CACNA1C: variants seen among roughly 807,000 people sequenced by gnomAD.
CACNA1C encodes the protein calcium voltage-gated channel subunit alpha1 C.
CACNA1C carries 30 observed loss-of-function variants against 229.0 expected under a neutral mutation model. The observed-to-expected ratio is 0.13, with a 90% confidence interval of 0.10 to 0.18. CACNA1C has a LOEUF of 0.18. Ranked by LOEUF, CACNA1C falls within the 10% of genes least tolerant of loss-of-function variation. CACNA1C has a pLI of 1.00. For missense variants in CACNA1C, 1,658 were observed against 2,845.0 expected, an observed-to-expected ratio of 0.58 and a Z score of 9.49; for synonymous variants, 1,114 against 1,132.5, an observed-to-expected ratio of 0.98 and a Z score of 0.33.
intron 1 of CACNA1C, among the ~76,000 whole-genome samples, chr12:1,973,600 A>G (rs2033251376): frequency 6.6e-6 from 1 of 152,148 alleles, no homozygotes. Flanking sequence ...ATCTTCCTAA[A>G]CTGGGAACCT....
intron 3 of CACNA1C, among the ~76,000 whole-genome samples, chr12:2,339,804 C>T (rs1223706751): frequency 1.3e-5 from 2 of 152,062 alleles, no homozygotes; most frequent in African/African-American, 2.4e-5. Context: ...TTATGCAGCA[C>T]GTGACTGTCG....
chr12:2,601,831 T>C lies in CACNA1C; in HGVS notation c.2854-23T>C. 2 of 1,517,184 alleles carry C rather than the reference T, an allele frequency of 1.3e-6. No homozygotes were observed. The highest frequency in any genetic ancestry group is 2.2e-5 in the South Asian group (2 of 89,174). The allele number at this position is 1,517,184 out of a possible 1,614,324, so 94.0% of individuals were successfully genotyped here. A position where few individuals can be genotyped will look rare whatever the true frequency, so the allele number is the denominator to read the frequency against. ...CTAGGGCTAGGGCCACTCACACTGG[T>C]GTTCCTTTGTCCCTCCCTGCAGATG... is the stretch of plus-strand genomic sequence containing the variant. On this transcript the variant is annotated intron_variant, in intron 21 of 46. Transcript: ENST00000399655. This position sits in a 1 kb window ranked among gnomAD's most constrained non-coding sequence, Gnocchi z 5.9.
In CACNA1C at chr12:2,597,543, C is replaced by A. The variant is rs761957218; in HGVS notation, c.2853+254C>A. 10 of 1,147,844 alleles carry A rather than the reference C, an allele frequency of 8.7e-6. No individual in the cohort carries two copies. The highest frequency in any genetic ancestry group is 1.2e-5 in the South Asian group (1 of 81,522). The allele number at this position is 1,147,844 out of a possible 1,614,324, so 71.1% of individuals were successfully genotyped here. On this transcript the variant is annotated intron_variant, in intron 21 of 46. Coordinates refer to ENST00000399655, the MANE Select transcript of CACNA1C (RefSeq NM_000719.7). The surrounding 1 kb of genome is among the most constrained non-coding windows in gnomAD (Gnocchi z 4.3). ...ATCCTCTGTCGCTTTCTTTGTCTAT[C>A]TCTGCTCTGTGTGGCTGGATCTTTT...
intron 3 of CACNA1C, among the ~76,000 whole-genome samples, chr12:2,157,284 A>G (rs1179317870): frequency 6.6e-6 from 1 of 152,204 alleles, no homozygotes; most frequent in East Asian, 1.9e-4. Context: ...TTATCTGTCC[A>G]TTGAAAAAAA....
chr12:2,579,474 C>G lies in CACNA1C; in HGVS notation c.1896-2116C>G, dbSNP rs1401433365. Among the ~76,000 whole-genome samples, 7 of 152,156 alleles carry G rather than the reference C, an allele frequency of 4.6e-5. No individual in the cohort carries two copies. In the East Asian group the frequency reaches 1.4e-3, roughly 29 times the overall value. On this transcript the variant is annotated intron_variant, in intron 13 of 46. Coordinates refer to ENST00000399655, the MANE Select transcript of CACNA1C (RefSeq NM_000719.7). ...GGATTACCCCAGCCCCAGAGTCAGC[C>G]CCAGAGTCAGAGATTAGGGTTTCAT...
chr12:2,298,588 T>C (rs757971063), intron 3 of CACNA1C, among the ~76,000 whole-genome samples: 1 of 151,998 alleles, frequency 6.6e-6, no homozygotes, highest in South Asian at 2.1e-4. Context: ...TGAGCCACCG[T>C]GCCTGGCCAG....
intron 1 of CACNA1C, among the ~76,000 whole-genome samples, chr12:2,035,709 A>G (rs1449279948): frequency 6.6e-6 from 1 of 152,192 alleles, no homozygotes; most frequent in Non-Finnish European, 1.5e-5. Flanking sequence ...GCGACAGGTG[A>G]GGGGATCATC....
intron 33 of CACNA1C, 58 bp from the exon 34 acceptor site, chr12:2,655,089 G>A (rs957530375): frequency 2.9e-5 from 31 of 1,051,510 alleles, no homozygotes; most frequent in Middle Eastern, 2.0e-4. Context: ...ACAATGGTGG[G>A]AAATTAGGAC....
chr12:2,181,204 T>G lies in CACNA1C; in HGVS notation c.477+60774T>G, dbSNP rs1453486838. Among the ~76,000 whole-genome samples the G allele has an allele frequency of 6.6e-6, 1 of 152,216 alleles. No homozygotes were observed. The highest frequency in any genetic ancestry group is 1.5e-5 in the Non-Finnish European group (1 of 68,038). Reference sequence around the variant, plus strand: ...AATGATCATTACTACCTCTGTTATTTCCTGTAGCCAACTGACATCTTTGCA... The same window carrying G: ...AATGATCATTACTACCTCTGTTATTGCCTGTAGCCAACTGACATCTTTGCA... On this transcript the variant is annotated intron_variant, in intron 3 of 46. Coordinates refer to ENST00000399655, the MANE Select transcript of CACNA1C (RefSeq NM_000719.7). The surrounding 1 kb of genome is among the most constrained non-coding windows in gnomAD (Gnocchi z 4.0).
At chr12:2,672,839 C>T (rs1224510455) in intron 38 of CACNA1C, among the ~76,000 whole-genome samples, 1 of 152,184 alleles carries the variant, frequency 6.6e-6, no homozygotes, top group African/African-American at 2.4e-5. Context: ...ATTTGAATAC[C>T]ATGTGTGTTA....
chr12:2,454,681 A>G (rs929754394), intron 4 of CACNA1C, among the ~76,000 whole-genome samples: 1 of 152,122 alleles, frequency 6.6e-6, no homozygotes, highest in African/African-American at 2.4e-5. Context: ...CATGACCTCC[A>G]ACCTCAAGGA....
chr12:2,494,100 G>T (rs1231981048), intron 7 of CACNA1C, among the ~76,000 whole-genome samples: 1 of 152,088 alleles, frequency 6.6e-6, no homozygotes, highest in Non-Finnish European at 1.5e-5. Flanking sequence ...AGACATGGTG[G>T]TTTGTTGCAC....
chr12:2,322,686 G>T (rs746469226), intron 3 of CACNA1C, among the ~76,000 whole-genome samples: 7 of 152,154 alleles, frequency 4.6e-5, no homozygotes, highest in Non-Finnish European at 8.8e-5. Flanking sequence ...CAAATGCTTT[G>T]TTGAGCCCCT....
intron 6 of CACNA1C, among the ~76,000 whole-genome samples, chr12:2,491,559 GA>G (rs1378229760): frequency 4.3e-5 from 6 of 139,004 alleles, no homozygotes; most frequent in African/African-American, 1.6e-4. Context: ...TGACAATGAA[GA>G]GGAGGAGGCA....
intron 3 of CACNA1C, among the ~76,000 whole-genome samples, chr12:2,151,262 A>ATTT (rs113212437): frequency 1.1e-4 from 16 of 147,670 alleles, no homozygotes; most frequent in African/African-American, 3.2e-4. Flanking sequence ...GCACAGTAAG[A>ATTT]TTTTTTTTTT....
intron 3 of CACNA1C, among the ~76,000 whole-genome samples, chr12:2,297,920 AAGG>A (rs1420773502): frequency 6.6e-6 from 1 of 152,166 alleles, no homozygotes; most frequent in African/African-American, 2.4e-5. Context: ...ATAAATAGAG[AAGG>A]AGAAGGAAGA....
chr12:2,660,908 G>A (rs192271102), intron 34 of CACNA1C: 6 of 152,044 alleles, frequency 3.9e-5, no homozygotes, highest in African/African-American at 1.4e-4. Context: ...AAAATGCCAG[G>A]AACAGATTTC....
At chr12:2,515,851 C>T (rs556297445) in intron 9 of CACNA1C, among the ~76,000 whole-genome samples, 3 of 152,226 alleles carry the variant, frequency 2.0e-5, no homozygotes, top group South Asian at 2.1e-4. Context: ...TGAAGTGGCC[C>T]GTAAGTTATA....
At chr12:2,510,695 A>C (rs56343862) in intron 8 of CACNA1C, among the ~76,000 whole-genome samples, 7,265 of 152,266 alleles carry the variant, frequency 0.048, 187 homozygotes, top group South Asian at 0.1. Flanking sequence ...ACCCTCTGCA[A>C]AGTCACTCAA....
Sources: gnomAD v4.1 joint callset for allele counts (sites outside exome capture counted in the v4.1 genomes callset) on GRCh38, gnomAD v4.1.1 for gene constraint, Gnocchi (gnomAD v3.1) non-coding constraint, MANE v1.5 for transcripts, NCBI Gene and HGNC (gene_info 2026-07-23, HGNC 2026-07-21) for gene names.